KCNIP1: variants seen among roughly 807,000 people sequenced by gnomAD.
The protein encoded by KCNIP1 is A-type potassium channel modulatory protein KCNIP1.
Under a neutral mutation model 33.0 loss-of-function variants are expected in KCNIP1, and 18 were observed. The observed-to-expected ratio is 0.55, with a 90% CI of 0.38 to 0.81. KCNIP1 has a LOEUF of 0.81. Among genes scored for constraint, KCNIP1 ranks in the 30% least tolerant of loss-of-function variants. The pLI, the probability that KCNIP1 is intolerant of heterozygous loss-of-function variation, is 0.00. For missense variants in KCNIP1, 238 were observed against 271.6 expected, an observed-to-expected ratio of 0.88 and a Z score of 0.87; for synonymous variants, 93 against 98.3, an observed-to-expected ratio of 0.95 and a Z score of 0.32.
chr5:170,520,641 A>T (rs1213900864), intron 1 of KCNIP1, among the ~76,000 whole-genome samples: 1 of 152,228 alleles, frequency 6.6e-6, no homozygotes, highest in Non-Finnish European at 1.5e-5. Flanking sequence ...GGCTGTAGGA[A>T]GATCCAACTC....
At chr5:170,694,804 A>G (rs10045333) in intron 1 of KCNIP1, among the ~76,000 whole-genome samples, 37,453 of 152,060 alleles carry the variant, frequency 0.25, 5,890 homozygotes, top group East Asian at 0.82. Flanking sequence ...AAGGAAATAA[A>G]TAGGTGTTAC....
chr5:170,659,565 C>G (rs1417968352), intron 1 of KCNIP1, among the ~76,000 whole-genome samples: 1 of 152,166 alleles, frequency 6.6e-6, no homozygotes, highest in Non-Finnish European at 1.5e-5. Context: ...TCCTTTCTCC[C>G]TTTCTCCTTC....
At chr5:170,439,285 C>T (rs965115748) in intron 1 of KCNIP1, among the ~76,000 whole-genome samples, 2 of 152,210 alleles carry the variant, frequency 1.3e-5, no homozygotes, top group African/African-American at 4.8e-5. Context: ...CCCATGCCAC[C>T]AGATGCAAAT....
chr5:170,544,254 AAAT>A (rs894408190), intron 1 of KCNIP1, among the ~76,000 whole-genome samples: 10 of 151,938 alleles, frequency 6.6e-5, no homozygotes, highest in African/African-American at 1.2e-4. Flanking sequence ...TTTCTACTAA[AAAT>A]AATAATAATA....
chr5:170,662,837 C>A (rs749389182), intron 1 of KCNIP1, among the ~76,000 whole-genome samples: 10 of 152,180 alleles, frequency 6.6e-5, no homozygotes, highest in Admixed American at 5.2e-4. Context: ...TCCCACACAC[C>A]CTCACATATT....
At chr5:170,733,634 G>A (rs1764285204) in intron 6 of KCNIP1, among the ~76,000 whole-genome samples, 1 of 152,118 alleles carries the variant, frequency 6.6e-6, no homozygotes, top group African/African-American at 2.4e-5. Context: ...AAGCTCATGG[G>A]GCTCAAAGTG....
intron 1 of KCNIP1, among the ~76,000 whole-genome samples, chr5:170,602,086 C>T (rs2113589541): frequency 6.6e-6 from 1 of 152,368 alleles, no homozygotes; most frequent in African/African-American, 2.4e-5. Flanking sequence ...CCCCACAGCA[C>T]ATGCCAACCT....
chr5:170,589,786 T>TGC (rs1481431599), intron 1 of KCNIP1, among the ~76,000 whole-genome samples: 2,187 of 141,460 alleles, frequency 0.015, 24 homozygotes, highest in Middle Eastern at 0.021. Context: ...TGGTGTGATG[T>TGC]GATGTGGTGT....
At chr5:170,575,346 T>C (rs1481628774) in intron 1 of KCNIP1, among the ~76,000 whole-genome samples, 1 of 152,208 alleles carries the variant, frequency 6.6e-6, no homozygotes, top group African/African-American at 2.4e-5. Flanking sequence ...TAATAGGGCA[T>C]ATGTTACTTA....
intron 1 of KCNIP1, among the ~76,000 whole-genome samples, chr5:170,696,570 A>G (rs1003309925): frequency 6.6e-6 from 1 of 152,196 alleles, no homozygotes; most frequent in Admixed American, 6.5e-5. Flanking sequence ...AGGGCAGCAC[A>G]TTGTACAACT....
intron 1 of KCNIP1, among the ~76,000 whole-genome samples, chr5:170,710,227 A>T (rs1763399574): frequency 6.6e-6 from 1 of 152,162 alleles, no homozygotes; most frequent in African/African-American, 2.4e-5. Flanking sequence ...TGACTTATCT[A>T]CCAAGTCACT....
At chr5:170,566,339 C>T (rs145691191) in intron 1 of KCNIP1, among the ~76,000 whole-genome samples, 2,513 of 152,280 alleles carry the variant, frequency 0.017, 78 homozygotes, top group African/African-American at 0.056. Flanking sequence ...GTGATCCACC[C>T]GCCTCAGCCT....
At chr5:170,625,802 A>C (rs1759798094) in intron 1 of KCNIP1, among the ~76,000 whole-genome samples, 2 of 152,158 alleles carry the variant, frequency 1.3e-5, no homozygotes, top group Admixed American at 1.3e-4. Flanking sequence ...AAGTGTTAGA[A>C]ACGCGGTAAA....
intron 1 of KCNIP1, among the ~76,000 whole-genome samples, chr5:170,464,132 T>C (rs1365877692): frequency 6.6e-6 from 1 of 152,126 alleles, no homozygotes; most frequent in Non-Finnish European, 1.5e-5. Flanking sequence ...CAAAATATCA[T>C]TGAAATAAAT....
chr5:170,630,493 C>T (rs916853605), intron 1 of KCNIP1, among the ~76,000 whole-genome samples: 2 of 152,144 alleles, frequency 1.3e-5, no homozygotes, highest in Non-Finnish European at 2.9e-5. Context: ...TCGAGTGTGT[C>T]GTTATGTCGC....
At chr5:170,636,425 G>A (rs532298556) in intron 1 of KCNIP1, among the ~76,000 whole-genome samples, 18 of 152,292 alleles carry the variant, frequency 1.2e-4, no homozygotes, top group East Asian at 1.9e-4. Flanking sequence ...GGGGGTGGCC[G>A]AGGAGGGGCC....
At chr5:170,549,651 G>A (rs551296139) in intron 1 of KCNIP1, among the ~76,000 whole-genome samples, 5 of 152,332 alleles carry the variant, frequency 3.3e-5, no homozygotes, top group Non-Finnish European at 7.3e-5. Flanking sequence ...ACTAGACCAT[G>A]AAAAGTCCTT....
At chr5:170,355,608 C>T (rs1303243564) in intron 1 of KCNIP1, among the ~76,000 whole-genome samples, 2 of 152,178 alleles carry the variant, frequency 1.3e-5, no homozygotes, top group African/African-American at 4.8e-5. Context: ...CTGGGGCAGA[C>T]TAAGGAGTGC....
chr5:170,729,724 CTT>C lies in KCNIP1; in HGVS notation c.436-3074_436-3073del, dbSNP rs201858251. Among the ~76,000 whole-genome samples the C allele has an allele frequency of 8.8e-3, 1,340 of 152,086 alleles. 10 individuals carry two copies. The highest frequency in any genetic ancestry group is 0.027 in the African/African-American group (1,111 of 41,536). ...TTAAATTGCAAAGGTTTTGTAAAGT[CTT>C]TGTTGAAGGTTGGTGGAAAGTGGTT... On this transcript the variant is annotated intron_variant, in intron 5 of 7. Transcript: ENST00000328939.
Sources: allele counts gnomAD v4.1 joint callset (sites outside exome capture counted in the v4.1 genomes callset), GRCh38; gene constraint gnomAD v4.1.1; transcripts MANE v1.5; gene names NCBI Gene and HGNC (gene_info 2026-07-23, HGNC 2026-07-21).